Variants in RAB11FIP1 observed in about 807,000 individuals in gnomAD.
The protein encoded by RAB11FIP1 is rab11 family-interacting protein 1.
Under a neutral mutation model 83.1 loss-of-function variants are expected in RAB11FIP1, and 49 were observed. That is an observed-to-expected ratio of 0.59 (90% confidence interval 0.47 to 0.75). The LOEUF is 0.75. Among genes scored for constraint, RAB11FIP1 ranks in the 30% least tolerant of loss-of-function variants. The pLI is 0.00. For missense variants in RAB11FIP1, 1,536 were observed against 1,598.7 expected (o/e 0.96, Z 0.67); for synonymous variants, 670 against 656.0 (o/e 1.02, Z -0.33).
Position 37,860,886 on chromosome 8 carries a change from G to A in RAB11FIP1, c.*2009C>T, listed in dbSNP as rs576745404. On this transcript the variant is annotated 3_prime_UTR_variant, in exon 6 of 6. Coordinates refer to ENST00000330843, the MANE Select transcript of RAB11FIP1 (RefSeq NM_001002814.3). ...TGATATAACCAATGCCACAGCAAAC[G>A]AAATCCTGGAAAGAGATTGCACTGC... The A allele has an allele frequency of 7.2e-5, 11 of 152,692 alleles. No homozygotes were observed. Among genetic ancestry groups the A allele is most frequent in the African/African-American group, 2.4e-4 (10 of 41,546 alleles). 9.5% of individuals were successfully genotyped at this position (152,692 alleles called of 1,614,324 possible).
At position 37,861,958 on chromosome 8, in the gene RAB11FIP1, G is replaced by A. The variant is rs1806245343; in HGVS notation, c.*937C>T. ...GCCCCTTACAAGGAGTGTTGCTGAG[G>A]AAACCAGAGCACCGAGCAAAGGCAC... is the stretch of plus-strand genomic sequence containing the variant. On this transcript the variant is annotated 3_prime_UTR_variant, in exon 6 of 6. Transcript: ENST00000330843. The A allele has an allele frequency of 5.0e-6, 1 of 200,134 alleles. No individual in the cohort carries two copies. The highest frequency in any genetic ancestry group is 2.4e-5 in the African/African-American group (1 of 41,832). The allele number at this position is 200,134 out of a possible 1,614,324, so 12.4% of individuals were successfully genotyped here.
At chr8:37,886,143 G>T (rs898861468) in intron 1 of RAB11FIP1, among the ~76,000 whole-genome samples, 2 of 152,162 alleles carry the variant, frequency 1.3e-5, no homozygotes, top group East Asian at 3.9e-4. Context: ...CATGCCAGAC[G>T]CTGGAAATAC....
Position 37,872,336 on chromosome 8 carries a change from C to T in RAB11FIP1, c.2466G>A (p.Ala822=), listed in dbSNP as rs200221421. ...GTCCTTCCACCAGCAAGGCAGCCCC[C>T]GCCACTGCCTCTTCCGTGAAGAGCT... ...SEQLFTEEAV[A]GAALLVEGHS... is the part of the protein sequence containing the mutation. The change falls in exon 4 of 6, where the codon GCG becomes GCA. Residue 822 remains alanine, a synonymous_variant. Coordinates refer to ENST00000330843, the MANE Select transcript of RAB11FIP1 (RefSeq NM_001002814.3). 194 of 1,614,172 alleles carry T rather than the reference C, an allele frequency of 1.2e-4. 1 individual carries two copies. The East Asian group carries it at 2.9e-3, about 24-fold the overall frequency.
Position 37,875,052 on chromosome 8 carries a change from G to A in RAB11FIP1, c.1085C>T (p.Ala362Val), listed in dbSNP as rs373634322. 269 of 1,614,120 alleles carry A rather than the reference G, an allele frequency of 1.7e-4. 1 individual carries two copies. The highest frequency in any genetic ancestry group is 8.0e-4 in the East Asian group (36 of 44,878). Residue 362 changes from alanine (A) to valine (V), a missense_variant, in exon 3 of 6, where the codon GCG (alanine) becomes GTG (valine). Ala to Val is a moderately conservative substitution (Grantham distance 64). Coordinates refer to ENST00000330843, the MANE Select transcript of RAB11FIP1 (RefSeq NM_001002814.3). ...KHLFSSTENL[A>V]AGSWKEPAEG... ...AGCAGGCTCCTTCCAAGACCCAGCC[G>A]CCAGGTTCTCTGTAGAAGAGAACAA...
intron 3 of RAB11FIP1, among the ~76,000 whole-genome samples, chr8:37,874,243 C>T (rs1806550592): frequency 6.6e-6 from 1 of 152,234 alleles, no homozygotes. Context: ...CTGCTACAAA[C>T]CACTGCGTTC....
At chr8:37,867,752 GGAAA>G (rs1449763743) in intron 5 of RAB11FIP1, among the ~76,000 whole-genome samples, 3 of 151,476 alleles carry the variant, frequency 2.0e-5, no homozygotes, top group Admixed American at 6.6e-5. Context: ...AGGGAAAGAA[GGAAA>G]GAAGGAAGGA....
Position 37,872,364 on chromosome 8 carries a change from T to G in RAB11FIP1, c.2438A>C (p.Glu813Ala). 1 of 1,614,186 alleles carries G rather than the reference T, an allele frequency of 6.2e-7. No homozygotes were observed. The highest frequency in any genetic ancestry group is 1.1e-5 in the South Asian group (1 of 91,086). Residue 813 changes from glutamate to alanine, a missense_variant, in exon 4 of 6, where the codon GAG (glutamate) becomes GCG (alanine). Glu to Ala is a moderately radical substitution (Grantham distance 107). Coordinates refer to ENST00000330843, the MANE Select transcript of RAB11FIP1 (RefSeq NM_001002814.3). ...CACTGCCTCTTCCGTGAAGAGCTGC[T>G]CAGAAAATGACACACGCTTCTTGGT... ...KKTKKRVSFS[E>A]QLFTEEAVAG...
rs747821169 is a variant in RAB11FIP1, at chr8:37,875,035, C to G, written c.1102G>C (p.Glu368Gln). The change falls in exon 3 of 6, where the codon GAG becomes CAG. Residue 368 changes from glutamate (E) to glutamine (Q), a missense_variant. Glu to Gln is a conservative substitution (Grantham distance 29). Transcript: ENST00000330843. ...GACAGCCCACCTCCTTCAGCAGGCT[C>G]CTTCCAAGACCCAGCCGCCAGGTTC... Reference protein sequence around the residue: ...TENLAAGSWKEPAEGGGLSSD... With the variant: ...TENLAAGSWKQPAEGGGLSSD... 6.2e-7 allele frequency: 1 copy of G among 1,614,122 alleles called. No homozygotes were observed. Among genetic ancestry groups the G allele is most frequent in the South Asian group, 1.1e-5 (1 of 91,080 alleles).
chr8:37,899,235 C>T lies in RAB11FIP1; in HGVS notation c.207G>A (p.Glu69=), dbSNP rs780684881. ...RSLGAPVWRE[E]ATFELPSLLS... ...GCAGCGATGGCAGCTCGAAGGTGGC[C>T]TCCTCGCGCCACACGGGCGCGCCCA... The change falls in exon 1 of 6, where the codon GAG becomes GAA. Residue 69 remains glutamate, a synonymous_variant. Coordinates refer to ENST00000330843, the MANE Select transcript of RAB11FIP1 (RefSeq NM_001002814.3). The surrounding 1 kb of genome is among the most constrained non-coding windows in gnomAD (Gnocchi z 4.5). 10 of 1,593,546 alleles carry T rather than the reference C, an allele frequency of 6.3e-6. No homozygotes were observed. The South Asian group carries it at 9.0e-5, about 14-fold the overall frequency.
At chr8:37,897,820 G>T (rs2130207738) in intron 1 of RAB11FIP1, among the ~76,000 whole-genome samples, 1 of 152,244 alleles carries the variant, frequency 6.6e-6, no homozygotes, top group Non-Finnish European at 1.5e-5. Flanking sequence ...TTCTGTAGGG[G>T]CAAATTCTCT....
At chr8:37,891,934 C>A (rs760184615) in intron 1 of RAB11FIP1, among the ~76,000 whole-genome samples, 1 of 152,184 alleles carries the variant, frequency 6.6e-6, no homozygotes, top group Non-Finnish European at 1.5e-5. Context: ...CATACATACA[C>A]GCCCTGGTTT....
chr8:37,871,770 C>T lies in RAB11FIP1; in HGVS notation c.3032G>A (p.Gly1011Glu). Residue 1011 changes from glycine to glutamate, a missense_variant, in exon 4 of 6, where the codon GGA becomes GAA. Physicochemically the swap from Gly to Glu is moderately conservative, Grantham distance 98. Transcript: ENST00000330843. ...ATCTGCCTCGCCACTGGGCCCCTTT[C>T]CCCTCTCAGGACAGGGGACTACCAA... ...LGLVVPCPER[G>E]KGPSGEADRL... The T allele has an allele frequency of 1.2e-6, 2 of 1,613,954 alleles. No homozygotes were observed. Among genetic ancestry groups the T allele is most frequent in the Non-Finnish European group, 1.7e-6 (2 of 1,179,948 alleles).
chr8:37,871,571 C>A lies in RAB11FIP1; in HGVS notation c.3231G>T (p.Pro1077=). The A allele has an allele frequency of 6.3e-7, 1 of 1,597,936 alleles. No individual in the cohort carries two copies. Among genetic ancestry groups the A allele is most frequent in the South Asian group, 1.1e-5 (1 of 89,302 alleles). The change falls in exon 4 of 6, where the codon CCG becomes CCT. Residue 1077 remains proline, a synonymous_variant. Transcript: ENST00000330843. ...PGPSGGEEEK[P]MGNGSPSPPP... Reference sequence around the variant, plus strand: ...GCGGGCTTGGACTCCCATTTCCCATCGGTTTTTCTTCCTCACCACCACTGG... The same window carrying A: ...GCGGGCTTGGACTCCCATTTCCCATAGGTTTTTCTTCCTCACCACCACTGG...
intron 5 of RAB11FIP1, among the ~76,000 whole-genome samples, chr8:37,866,392 G>A (rs936907053): frequency 5.3e-5 from 8 of 152,004 alleles, no homozygotes; most frequent in African/African-American, 1.9e-4. Context: ...AATGGCCTTG[G>A]AGAAGAAGAA....
Position 37,893,836 on chromosome 8 carries a change from G to A in RAB11FIP1, c.371+5235C>T, listed in dbSNP as rs1807006933. 1.3e-5 allele frequency among the ~76,000 whole-genome samples: 2 copies of A among 151,928 alleles called. 1 individual carries two copies. The highest frequency in any genetic ancestry group is 4.8e-5 in the African/African-American group (2 of 41,364). ...AAACAAGAAGATGGAAAAAAAGCAGGTAGAACTTTCTCCATACTAACTGAA... is the reference window on the plus strand; with the variant it reads ...AAACAAGAAGATGGAAAAAAAGCAGATAGAACTTTCTCCATACTAACTGAA... On this transcript the variant is annotated intron_variant, in intron 1 of 5. Transcript: ENST00000330843.
In RAB11FIP1 at chr8:37,868,291, G is replaced by A. The variant is rs565764339; in HGVS notation, c.3633+2129C>T. On this transcript the variant is annotated intron_variant, in intron 5 of 5. Transcript: ENST00000330843. The stretch of plus-strand genomic sequence containing the variant: ...ATAAAAATTAGCTAGGCATGGTGGC[G>A]GGTGCCTGTAATACCAGCTACTCTG... 3.9e-5 allele frequency among the ~76,000 whole-genome samples: 6 copies of A among 152,094 alleles called. No individual in the cohort carries two copies. In the East Asian group the frequency reaches 5.8e-4, roughly 15 times the overall value.
At chr8:37,870,861 C>A (rs1806438302) in intron 4 of RAB11FIP1, 1 of 293,080 alleles carries the variant, frequency 3.4e-6, no homozygotes, top group African/African-American at 2.2e-5. Flanking sequence ...CTGTAAAACT[C>A]TGCAGAGGCT....
chr8:37,872,995 C>T lies in RAB11FIP1; in HGVS notation c.1807G>A (p.Ala603Thr), dbSNP rs763900222. 8 of 1,613,948 alleles carry T rather than the reference C, an allele frequency of 5.0e-6. No individual in the cohort carries two copies. Among genetic ancestry groups the T allele is most frequent in the Non-Finnish European group, 6.8e-6 (8 of 1,180,016 alleles). The change falls in exon 4 of 6, where the codon GCA (alanine) becomes ACA (threonine). Residue 603 changes from alanine to threonine, a missense_variant. Transcript: ENST00000330843. ...GGAGTGGATGTGGAAATGGGAGCTG[C>T]TATGGGAGATGAGAGAGAGGAGAAG... ...SVFSSLSSPI[A>T]APISTSTPIE...
At position 37,871,493 on chromosome 8, in the gene RAB11FIP1, G is replaced by A; in HGVS notation, c.3309C>T (p.Ile1103=). Residue 1103 remains isoleucine (I), a synonymous_variant, in exon 4 of 6, where the codon ATC becomes ATT. Coordinates refer to ENST00000330843, the MANE Select transcript of RAB11FIP1 (RefSeq NM_001002814.3). ...TGGGGAAAGAGTGTGTGACAGGAAA[G>A]ATCTCAGAAGGGGAGGGGCTGGGTA... is the stretch of plus-strand genomic sequence containing the variant. ...NPVPSPSPSE[I]FPVTHSFPSS... is the part of the protein sequence containing the mutation. The A allele has an allele frequency of 6.2e-7, 1 of 1,612,928 alleles. No homozygotes were observed. Among genetic ancestry groups the A allele is most frequent in the Middle Eastern group, 1.7e-4 (1 of 6,060 alleles).
Sources: gnomAD v4.1 joint callset for allele counts (sites outside exome capture counted in the v4.1 genomes callset) on GRCh38, gnomAD v4.1.1 for gene constraint, Gnocchi (gnomAD v3.1) non-coding constraint, MANE v1.5 for transcripts, NCBI Gene and HGNC (gene_info 2026-07-23, HGNC 2026-07-21) for gene names.